The following C1GALT1 variants were observed in gnomAD, a reference collection of about 807,000 sequenced individuals.
The protein encoded by C1GALT1 is core 1 synthase, glycoprotein-N-acetylgalactosamine 3-beta-galactosyltransferase 1, also known as glycoprotein-N-acetylgalactosamine 3-beta-galactosyltransferase 1.
A neutral mutation model predicts 31.0 loss-of-function variants in C1GALT1; 11 were observed. The observed-to-expected ratio is 0.36, with a 90% confidence interval of 0.22 to 0.59. The LOEUF is 0.59. C1GALT1 is among the 20% of genes least tolerant of loss of function. The pLI is 0.79. For synonymous variants in C1GALT1, 175 were observed against 143.6 expected (o/e 1.22, Z -1.56); for missense variants, 424 against 425.2 (o/e 1.00, Z 0.03).
At chr7:7,158,727 A>G (rs971240006) in intron 2 of C1GALT1, among the ~76,000 whole-genome samples, 4 of 151,972 alleles carry the variant, frequency 2.6e-5, no homozygotes, top group Non-Finnish European at 4.4e-5. Context: ...GGACTCATAT[A>G]CGCATATATG....
At chr7:7,158,429 C>A (rs1780297193) in intron 2 of C1GALT1, among the ~76,000 whole-genome samples, 1 of 152,120 alleles carries the variant, frequency 6.6e-6, no homozygotes. Flanking sequence ...TCTGATTCTA[C>A]TGTTCACTAG....
At chr7:7,195,050 G>T (rs1374822707) in intron 1 of C1GALT1, among the ~76,000 whole-genome samples, 1 of 151,922 alleles carries the variant, frequency 6.6e-6, no homozygotes, top group African/African-American at 2.4e-5. Context: ...AGCTTATTTG[G>T]ATCTTCTTTG....
At chr7:7,160,549 C>T (rs762467224) in intron 2 of C1GALT1, among the ~76,000 whole-genome samples, 3 of 152,076 alleles carry the variant, frequency 2.0e-5, no homozygotes, top group Non-Finnish European at 4.4e-5. Context: ...GATGCAGAGA[C>T]AGATATTTAG....
intron 1 of C1GALT1, among the ~76,000 whole-genome samples, chr7:7,192,766 C>T (rs11978295): frequency 0.24 from 36,248 of 152,024 alleles, 4,853 homozygotes; most frequent in East Asian, 0.42. Flanking sequence ...TTTACATTCC[C>T]AGCAGCAGTG....
rs780706152 is a variant in C1GALT1, at chr7:7,234,463, A to G, written c.144A>G (p.Ala48=). 1 of 1,613,976 alleles carries G rather than the reference A, an allele frequency of 6.2e-7. No homozygotes were observed. ...ATGTTCTTCATAATGATCCTCATGC[A>G]AGGCATTCAGATGATAATGGACAGA... ...QPNVLHNDPH[A]RHSDDNGQNH... Residue 48 remains alanine, a synonymous_variant, in exon 2 of 4, where the codon GCA becomes GCG. Coordinates refer to ENST00000436587, the MANE Select transcript of C1GALT1 (RefSeq NM_020156.5).
chr7:7,187,985 A>G (rs759853739), intron 1 of C1GALT1, among the ~76,000 whole-genome samples: 22 of 147,604 alleles, frequency 1.5e-4, no homozygotes, highest in Non-Finnish European at 3.3e-4. Flanking sequence ...TCAGCTTTTC[A>G]TTTTAGAGAG....
At chr7:7,182,541 G>C (rs1780627663), upstream of C1GALT1, 1 of 152,286 alleles carries the variant, frequency 6.6e-6, no homozygotes, top group Non-Finnish European at 1.5e-5. Flanking sequence ...AGACGTCAGC[G>C]CCAGGAGACT....
chr7:7,207,791 T>C (rs12532385), intron 1 of C1GALT1, among the ~76,000 whole-genome samples: 3 of 104,970 alleles, frequency 2.9e-5, no homozygotes, highest in African/African-American at 1.1e-4. Flanking sequence ...TTTTTCTTTG[T>C]TTTTTTTTTT....
chr7:7,208,444 C>T (rs1403166847), intron 1 of C1GALT1, among the ~76,000 whole-genome samples: 2 of 152,056 alleles, frequency 1.3e-5, no homozygotes, highest in African/African-American at 4.8e-5. Context: ...GGAACATATT[C>T]CCTGTGGATA....
chr7:7,169,035 C>G (rs979701905), intron 2 of C1GALT1, among the ~76,000 whole-genome samples: 1 of 152,166 alleles, frequency 6.6e-6, no homozygotes, highest in African/African-American at 2.4e-5. Flanking sequence ...TCCCTTATCC[C>G]CTCCACCTTT....
intron 1 of C1GALT1, among the ~76,000 whole-genome samples, chr7:7,221,146 CTCTTT>C (rs1201214270): frequency 1.3e-5 from 2 of 152,110 alleles, no homozygotes; most frequent in African/African-American, 4.8e-5. Context: ...ATTTCCTCTT[CTCTTT>C]TATCTGGACC....
intron 1 of C1GALT1, among the ~76,000 whole-genome samples, chr7:7,210,179 G>A (rs903481828): frequency 2.0e-5 from 3 of 152,130 alleles, no homozygotes; most frequent in Admixed American, 6.5e-5. Context: ...AAAAATATTT[G>A]TGACTCTTGG....
chr7:7,224,684 C>T (rs375935385), intron 1 of C1GALT1, among the ~76,000 whole-genome samples: 7 of 151,920 alleles, frequency 4.6e-5, no homozygotes, highest in Non-Finnish European at 7.4e-5. Context: ...ATAGAAATAA[C>T]CCCTGTATTA....
chr7:7,163,956 GA>G (rs1265237588), intron 2 of C1GALT1, among the ~76,000 whole-genome samples: 3 of 151,880 alleles, frequency 2.0e-5, no homozygotes, highest in Non-Finnish European at 4.4e-5. Flanking sequence ...CACAGAATTG[GA>G]AAAAACTACT....
chr7:7,171,076 G>T (rs1403023816), intron 2 of C1GALT1, among the ~76,000 whole-genome samples: 1 of 148,710 alleles, frequency 6.7e-6, no homozygotes, highest in African/African-American at 2.5e-5. Flanking sequence ...AGAAAAATAT[G>T]TATTCTGCTG....
intron 1 of C1GALT1, among the ~76,000 whole-genome samples, chr7:7,218,278 G>T (rs922118327): frequency 1.3e-5 from 2 of 152,160 alleles, no homozygotes; most frequent in African/African-American, 2.4e-5. Flanking sequence ...TAGGGATGGG[G>T]AATGTCAGAA....
intron 1 of C1GALT1, among the ~76,000 whole-genome samples, chr7:7,231,020 C>T (rs941929579): frequency 6.6e-6 from 1 of 152,022 alleles, no homozygotes. Context: ...AATTCTTTTC[C>T]TTCTGCCTGA....
intron 1 of C1GALT1, among the ~76,000 whole-genome samples, chr7:7,202,924 G>A (rs937925529): frequency 6.6e-6 from 1 of 151,846 alleles, no homozygotes; most frequent in African/African-American, 2.4e-5. Flanking sequence ...AGTTTTTGTC[G>A]TACAGATCTT....
chr7:7,173,092 G>A (rs1780471655), intron 2 of C1GALT1, among the ~76,000 whole-genome samples: 1 of 152,104 alleles, frequency 6.6e-6, no homozygotes, highest in African/African-American at 2.4e-5. Flanking sequence ...TGAATCTCAT[G>A]TTGAAATGTA....
Sources: gnomAD v4.1 joint callset for allele counts (sites outside exome capture counted in the v4.1 genomes callset) on GRCh38, gnomAD v4.1.1 for gene constraint, MANE v1.5 for transcripts, NCBI Gene and HGNC (gene_info 2026-07-23, HGNC 2026-07-21) for gene names.